SIRPA: variants seen among roughly 807,000 people sequenced by gnomAD.
The protein encoded by SIRPA is signal regulatory protein alpha, also known as tyrosine-protein phosphatase non-receptor type substrate 1.
SIRPA carries 9 observed loss-of-function variants against 50.3 expected under a neutral mutation model. That is an observed-to-expected ratio of 0.18 (90% CI 0.11 to 0.31). The LOEUF is 0.31. Ranked by LOEUF, SIRPA falls within the 10% of genes least tolerant of loss-of-function variation. The pLI, the probability that SIRPA is intolerant of heterozygous loss-of-function variation, is 1.00. For missense variants in SIRPA, 474 were observed against 661.6 expected (o/e 0.72, Z 3.11); for synonymous variants, 265 against 284.1 (o/e 0.93, Z 0.68).
chr20:1,911,129 A>G (rs1379318573), intron 1 of SIRPA, among the ~76,000 whole-genome samples: 5 of 152,224 alleles, frequency 3.3e-5, no homozygotes, highest in African/African-American at 1.2e-4. Flanking sequence ...TTTCATGGCT[A>G]TAGACTTGGC....
intron 1 of SIRPA, among the ~76,000 whole-genome samples, chr20:1,910,282 G>T (rs917448406): frequency 6.6e-6 from 1 of 152,088 alleles, no homozygotes; most frequent in Non-Finnish European, 1.5e-5. Flanking sequence ...CAAACATATG[G>T]TGACCACCCA....
chr20:1,924,873 G>T lies in SIRPA; in HGVS notation c.1197G>T (p.Lys399Asn). The T allele has an allele frequency of 1.2e-6, 2 of 1,613,598 alleles. No individual in the cohort carries two copies. The highest frequency in any genetic ancestry group is 1.3e-5 in the African/African-American group (1 of 75,032). Residue 399 changes from lysine to asparagine, a missense_variant, in exon 5 of 8, where the codon AAG (lysine) becomes AAT (asparagine). By Grantham distance (94) the Lys-to-Asn change is moderately conservative. Around this residue, in one of 4 missense-constraint regions of SIRPA, gnomAD observed 180 missense variants for 206.7 expected, o/e 0.87. Transcript: ENST00000358771. This position sits in a 1 kb window ranked among gnomAD's most constrained non-coding sequence, Gnocchi z 4.5. ...TCTACCTCGTCCGAATCAGACAGAA[G>T]AAAGGTGGGTGCATTCCCCTCTTCC... is the stretch of plus-strand genomic sequence containing the variant. ...AALYLVRIRQ[K>N]KAQGSTSSTR...
chr20:1,937,730 C>T lies in SIRPA; in HGVS notation c.*162C>T. The T allele has an allele frequency of 2.4e-6, 2 of 836,228 alleles. No individual in the cohort carries two copies. Among genetic ancestry groups the T allele is most frequent in the Non-Finnish European group, 3.6e-6 (2 of 552,184 alleles). 51.8% of individuals were successfully genotyped at this position (836,228 alleles called of 1,614,324 possible). ...CTCTTCTCTCCCCACCCCTCCTTGG[C>T]TCTCCAGCACTTCCTGGGCAGCCAC... On this transcript the variant is annotated 3_prime_UTR_variant, in exon 8 of 8. Coordinates refer to ENST00000358771, the MANE Select transcript of SIRPA (RefSeq NM_001040023.2). The surrounding 1 kb of genome is among the most constrained non-coding windows in gnomAD (Gnocchi z 8.3).
upstream of SIRPA, chr20:1,895,359 G>C (rs1328061300): frequency 9.2e-6 from 7 of 762,202 alleles, no homozygotes; most frequent in Non-Finnish European, 1.3e-5. Context: ...GGGAAGGGGG[G>C]GAGCCTTAGT....
chr20:1,926,299 A>G (rs761534569), intron 5 of SIRPA, among the ~76,000 whole-genome samples: 20 of 152,228 alleles, frequency 1.3e-4, no homozygotes, highest in Non-Finnish European at 2.6e-4. Context: ...TCCTCCTTGG[A>G]TGGGGAAGCA....
In SIRPA at chr20:1,937,324, C is replaced by T. The variant is rs1210742811; in HGVS notation, c.1271C>T (p.Thr424Ile). 2.5e-6 allele frequency: 4 copies of T among 1,612,256 alleles called. No individual in the cohort carries two copies. The Admixed American group carries it at 6.7e-5, about 27-fold the overall frequency. ...EKNAREITQD[T>I]NDITYADLNL... ...CTTTGGGTATCTTAAATCCAGGACA[C>T]AAATGATATCACATATGCAGACCTG... Residue 424 changes from threonine to isoleucine, a missense_variant, in exon 8 of 8, where the codon ACA (threonine) becomes ATA (isoleucine). This residue lies in a region of SIRPA where 180 missense variants were observed against 206.7 expected (regional missense o/e 0.87). Coordinates refer to ENST00000358771, the MANE Select transcript of SIRPA (RefSeq NM_001040023.2). The surrounding 1 kb of genome is among the most constrained non-coding windows in gnomAD (Gnocchi z 8.3).
chr20:1,927,923 C>T lies in SIRPA; in HGVS notation c.1226+24C>T. The T allele has an allele frequency of 2.5e-6, 4 of 1,607,254 alleles. No homozygotes were observed. Among genetic ancestry groups the T allele is most frequent in the Non-Finnish European group, 3.4e-6 (4 of 1,173,742 alleles). On this transcript the variant is annotated intron_variant, in intron 6 of 7. Transcript: ENST00000358771. The surrounding 1 kb of genome is among the most constrained non-coding windows in gnomAD (Gnocchi z 6.5). ...AGGTAAGTGCATCATTGGTCCAGAC[C>T]CTCTTGCAGTTATTATTTGGTTATT...
intron 1 of SIRPA, among the ~76,000 whole-genome samples, chr20:1,914,648 C>A (rs1488369356): frequency 6.6e-6 from 1 of 152,130 alleles, no homozygotes; most frequent in Non-Finnish European, 1.5e-5. Flanking sequence ...ACTGCCCAAA[C>A]CGCTGAGTAC....
chr20:1,929,346 A>G (rs1339805611), intron 6 of SIRPA, among the ~76,000 whole-genome samples: 1 of 152,094 alleles, frequency 6.6e-6, no homozygotes, highest in Admixed American at 6.6e-5. Flanking sequence ...AGAAGTGCTC[A>G]GATTCTGGAT....
intron 6 of SIRPA, among the ~76,000 whole-genome samples, chr20:1,929,791 A>G (rs1054022194): frequency 6.6e-6 from 1 of 152,066 alleles, no homozygotes; most frequent in African/African-American, 2.4e-5. Context: ...TCCCACACCT[A>G]GGTCACTCTT....
chr20:1,937,205 A>G lies in SIRPA; in HGVS notation c.1267-115A>G, dbSNP rs1986626283. On this transcript the variant is annotated intron_variant, in intron 7 of 7. Transcript: ENST00000358771. This position sits in a 1 kb window ranked among gnomAD's most constrained non-coding sequence, Gnocchi z 8.3. ...GGGGAACATGACTTATGGCTGAGCC[A>G]GTGTGGGCCGAGAGGACACAGAAGC... The G allele has an allele frequency of 1.6e-6, 2 of 1,262,130 alleles. No individual in the cohort carries two copies. The highest frequency in any genetic ancestry group is 2.1e-5 in the Admixed American group (1 of 47,812). 78.2% of individuals were successfully genotyped at this position (1,262,130 alleles called of 1,614,324 possible).
rs756864389 is a variant in SIRPA at position 1,922,553 on chromosome 20, A to G, written c.995A>G (p.Gln332Arg). ...AHRDDVKLTCQVEHDGQPAVS... is the reference protein window; with the variant it reads ...AHRDDVKLTCRVEHDGQPAVS... ...AGGGATGATGTGAAGCTCACCTGCC[A>G]GGTGGAGCATGACGGGCAGCCAGCG... is the stretch of plus-strand genomic sequence containing the variant. Residue 332 changes from glutamine to arginine, a missense_variant, in exon 4 of 8, where the codon CAG (glutamine) becomes CGG (arginine). This residue lies in a region of SIRPA where 221 missense variants were observed against 359.9 expected (regional missense o/e 0.61). Coordinates refer to ENST00000358771, the MANE Select transcript of SIRPA (RefSeq NM_001040023.2). The G allele has an allele frequency of 1.2e-6, 2 of 1,614,224 alleles. No individual in the cohort carries two copies. Among genetic ancestry groups the G allele is most frequent in the Middle Eastern group, 1.7e-4 (1 of 6,060 alleles).
At chr20:1,920,062 T>TG (rs1985555771) in intron 2 of SIRPA, among the ~76,000 whole-genome samples, 1 of 152,072 alleles carries the variant, frequency 6.6e-6, no homozygotes, top group East Asian at 1.9e-4. Flanking sequence ...CTTAACAGGG[T>TG]GGGGTTTGTA....
rs1986615275 is a variant in SIRPA at position 1,937,065 on chromosome 20, G to A, written c.1267-255G>A. On this transcript the variant is annotated intron_variant, in intron 7 of 7. Transcript: ENST00000358771. The surrounding 1 kb of genome is among the most constrained non-coding windows in gnomAD (Gnocchi z 8.3). ...AGGAACGGGAGGAGGTGACACTGAGGCGGGGCTGTGAGGAGACTGCACTGT... is the reference window on the plus strand; with the variant it reads ...AGGAACGGGAGGAGGTGACACTGAGACGGGGCTGTGAGGAGACTGCACTGT... 6.6e-6 allele frequency among the ~76,000 whole-genome samples: 1 copy of A among 152,180 alleles called. No homozygotes were observed. Among genetic ancestry groups the A allele is most frequent in the African/African-American group, 2.4e-5 (1 of 41,444 alleles).
At chr20:1,922,888 GGA>G (rs1264047590) in intron 4 of SIRPA, among the ~76,000 whole-genome samples, 1 of 152,156 alleles carries the variant, frequency 6.6e-6, no homozygotes, top group Non-Finnish European at 1.5e-5. Flanking sequence ...GAGGAAAGAG[GGA>G]GAGAGGGGGC....
chr20:1,908,022 G>A (rs1187973016), intron 1 of SIRPA, among the ~76,000 whole-genome samples: 1 of 152,188 alleles, frequency 6.6e-6, no homozygotes, highest in African/African-American at 2.4e-5. Flanking sequence ...CCAGCACATA[G>A]TAAGTAGGTG....
chr20:1,897,629 G>A (rs1983909484), intron 1 of SIRPA, among the ~76,000 whole-genome samples: 1 of 152,218 alleles, frequency 6.6e-6, no homozygotes, highest in South Asian at 2.1e-4. Context: ...AAACTAAAAT[G>A]TCAGGTTTAG....
chr20:1,926,634 T>G (rs1358362726), intron 5 of SIRPA, among the ~76,000 whole-genome samples: 3 of 152,180 alleles, frequency 2.0e-5, no homozygotes, highest in Non-Finnish European at 4.4e-5. Context: ...TTCCCTGTAG[T>G]AACAGTCAGT....
chr20:1,921,396 C>G lies in SIRPA; in HGVS notation c.438C>G (p.Ala146=). 6.2e-7 allele frequency: 1 copy of G among 1,612,862 alleles called. No homozygotes were observed. Among genetic ancestry groups the G allele is most frequent in the Non-Finnish European group, 8.5e-7 (1 of 1,178,926 alleles). Residue 146 remains alanine (A), a splice_region_variant and synonymous_variant, in exon 3 of 8, where the codon GCC becomes GCG. Transcript: ENST00000358771. ...TGATTATCGATGGTCCTTTTGTAGC[C>G]AAACCCTCTGCCCCCGTGGTATCGG... ...SGAGTELSVR[A]KPSAPVVSGP... is the part of the protein sequence containing the mutation.
Sources: gnomAD v4.1 joint callset for allele counts (sites outside exome capture counted in the v4.1 genomes callset) on GRCh38, gnomAD v4.1.1 for gene constraint, gnomAD v4.1.1 regional missense constraint, Gnocchi (gnomAD v3.1) non-coding constraint, MANE v1.5 for transcripts, NCBI Gene and HGNC (gene_info 2026-07-23, HGNC 2026-07-21) for gene names.